DLGAP2: variants seen among roughly 807,000 people sequenced by gnomAD.
DLGAP2 encodes DLG associated protein 2.
Under a neutral mutation model 100.3 loss-of-function variants are expected in DLGAP2, and 26 were observed. That is an observed-to-expected ratio of 0.26 (90% CI 0.19 to 0.36). The LOEUF (loss-of-function observed/expected upper bound fraction) is 0.36, where lower values mean the gene tolerates loss of function less well. DLGAP2 is among the 10% of genes least tolerant of loss of function. DLGAP2 has a pLI of 1.00. For missense variants in DLGAP2, 1,858 were observed against 1,453.2 expected (o/e 1.28, Z -4.53); for synonymous variants, 886 against 630.1 (o/e 1.41, Z -6.08).
chr8:995,433 A>T (rs1473899274), intron 2 of DLGAP2, among the ~76,000 whole-genome samples: 1 of 152,254 alleles, frequency 6.6e-6, no homozygotes, highest in Admixed American at 6.5e-5. Context: ...AGTGATTTAT[A>T]TTCCACACAA....
intron 1 of DLGAP2, among the ~76,000 whole-genome samples, chr8:776,808 G>A (rs925351150): frequency 1.6e-4 from 24 of 152,128 alleles, no homozygotes; most frequent in Non-Finnish European, 8.8e-5. Flanking sequence ...GTGTGGTGCT[G>A]AAAAAAATGT....
intron 2 of DLGAP2, among the ~76,000 whole-genome samples, chr8:1,138,889 C>T (rs560247853): frequency 1.1e-4 from 17 of 151,858 alleles, no homozygotes; most frequent in Non-Finnish European, 1.9e-4. Flanking sequence ...CTGGCCTGTG[C>T]GGCTGGTGGG....
At chr8:1,478,642 T>A (rs1338204151) in intron 3 of DLGAP2, among the ~76,000 whole-genome samples, 1 of 151,578 alleles carries the variant, frequency 6.6e-6, no homozygotes, top group Non-Finnish European at 1.5e-5. Flanking sequence ...CCTTTCTCTA[T>A]TCCTCTCTCC....
intron 3 of DLGAP2, among the ~76,000 whole-genome samples, chr8:1,361,697 C>T (rs1239491926): frequency 1.3e-5 from 2 of 152,176 alleles, no homozygotes; most frequent in African/African-American, 4.8e-5. Context: ...CAAGCACCTT[C>T]GCGCAAGGCC....
At chr8:1,032,814 G>A (rs936668297) in intron 2 of DLGAP2, 1 of 152,188 alleles carries the variant, frequency 6.6e-6, no homozygotes, top group Non-Finnish European at 1.5e-5. Context: ...GAGTGCCGTG[G>A]CCCTAAGGAA....
At chr8:750,674 A>G (rs553339840) in intron 1 of DLGAP2, among the ~76,000 whole-genome samples, 59 of 152,332 alleles carry the variant, frequency 3.9e-4, no homozygotes, top group African/African-American at 1.3e-3. Flanking sequence ...CCTGGCCCAC[A>G]TCCCGGTCTG....
chr8:1,449,071 A>G (rs1429581910), intron 3 of DLGAP2, among the ~76,000 whole-genome samples: 1 of 152,176 alleles, frequency 6.6e-6, no homozygotes, highest in Non-Finnish European at 1.5e-5. Flanking sequence ...CCCCCAGAGC[A>G]GCTCTGGGAA....
rs750849861 is a variant in DLGAP2 at position 1,410,400 on chromosome 8, T to C, written c.107-90966T>C. ...AGACGCCAGTCTGACCCCTTTGAAA[T>C]ACTCGCTGAGTGCTTCCTTTTTATT... On this transcript the variant is annotated intron_variant, in intron 3 of 14. Coordinates refer to ENST00000637795, the MANE Select transcript of DLGAP2 (RefSeq NM_001346810.2). 1.5e-4 allele frequency among the ~76,000 whole-genome samples: 23 copies of C among 152,202 alleles called. 1 individual carries two copies. Among genetic ancestry groups the C allele is most frequent in the Admixed American group, 9.2e-4 (14 of 15,282 alleles).
chr8:1,660,135 G>C (rs866018638), intron 8 of DLGAP2, among the ~76,000 whole-genome samples: 1 of 152,042 alleles, frequency 6.6e-6, no homozygotes, highest in Admixed American at 6.6e-5. Flanking sequence ...GTGAAATTCT[G>C]GTTGAAAATT....
chr8:856,026 T>C (rs539556147), intron 1 of DLGAP2, among the ~76,000 whole-genome samples: 1 of 152,110 alleles, frequency 6.6e-6, no homozygotes, highest in East Asian at 1.9e-4. Flanking sequence ...CTTTTCAAGA[T>C]CATACTGGAA....
intron 3 of DLGAP2, among the ~76,000 whole-genome samples, chr8:1,479,923 A>T (rs1368203600): frequency 6.6e-6 from 1 of 152,208 alleles, no homozygotes; most frequent in Non-Finnish European, 1.5e-5. Context: ...TCAGCTGCGT[A>T]TGTAAATTGG....
intron 2 of DLGAP2, among the ~76,000 whole-genome samples, chr8:1,251,091 A>G (rs1799029171): frequency 6.6e-6 from 1 of 152,198 alleles, no homozygotes; most frequent in African/African-American, 2.4e-5. Flanking sequence ...ACCCATGTTC[A>G]CGAGAACGTT....
Position 1,639,390 on chromosome 8 carries a change from G to A in DLGAP2, c.1810+6344G>A, listed in dbSNP as rs1197470111. Among the ~76,000 whole-genome samples, 5 of 152,252 alleles carry A rather than the reference G, an allele frequency of 3.3e-5. No individual in the cohort carries two copies. In the East Asian group the frequency reaches 9.7e-4, roughly 29 times the overall value. On this transcript the variant is annotated intron_variant, in intron 8 of 14. Coordinates refer to ENST00000637795, the MANE Select transcript of DLGAP2 (RefSeq NM_001346810.2). ...GCTGTCCCTGGGTCTTGGCAGTGTG[G>A]GCAGAGTCCTGGAAGGCTGCTGCGA...
chr8:1,560,282 G>C (rs1233293416), intron 5 of DLGAP2, among the ~76,000 whole-genome samples: 2 of 152,082 alleles, frequency 1.3e-5, no homozygotes. Flanking sequence ...TCCCCCTCAT[G>C]AGCATCTTTT....
At chr8:1,538,719 T>C (rs1165435337) in intron 4 of DLGAP2, among the ~76,000 whole-genome samples, 1 of 152,040 alleles carries the variant, frequency 6.6e-6, no homozygotes, top group Non-Finnish European at 1.5e-5. Context: ...ACCTCTCTTA[T>C]CAGAGGCAAA....
chr8:1,362,307 T>C (rs997558629), intron 3 of DLGAP2, among the ~76,000 whole-genome samples: 3 of 142,644 alleles, frequency 2.1e-5, no homozygotes, highest in African/African-American at 8.6e-5. Context: ...CTTAGGGATG[T>C]GGCCTGGGTT....
chr8:1,698,043 T>C (rs1399110966), intron 14 of DLGAP2, among the ~76,000 whole-genome samples: 4 of 152,162 alleles, frequency 2.6e-5, no homozygotes. Flanking sequence ...TCAGCATCCT[T>C]TGGGGAAGTG....
In DLGAP2 at chr8:1,266,277, C is replaced by T. The variant is rs187894997; in HGVS notation, c.106+7394C>T. 1.0e-3 allele frequency among the ~76,000 whole-genome samples: 157 copies of T among 152,356 alleles called. 2 individuals carry two copies. The Middle Eastern group carries it at 0.051, about 50-fold the overall frequency. ...TTGGCTTATGTGGCATTTTAGCAAGCACTTACCCAAGCAGCCATGCTTTTA... is the reference window on the plus strand; with the variant it reads ...TTGGCTTATGTGGCATTTTAGCAAGTACTTACCCAAGCAGCCATGCTTTTA... On this transcript the variant is annotated intron_variant, in intron 3 of 14. Coordinates refer to ENST00000637795, the MANE Select transcript of DLGAP2 (RefSeq NM_001346810.2).
intron 4 of DLGAP2, among the ~76,000 whole-genome samples, chr8:1,527,185 G>A (rs1377602069): frequency 6.6e-6 from 1 of 152,220 alleles, no homozygotes; most frequent in Non-Finnish European, 1.5e-5. Context: ...TGACTGACAT[G>A]GTGTGCACCT....
Sources: allele counts gnomAD v4.1 joint callset (sites outside exome capture counted in the v4.1 genomes callset), GRCh38; gene constraint gnomAD v4.1.1; transcripts MANE v1.5; gene names NCBI Gene and HGNC (gene_info 2026-07-23, HGNC 2026-07-21).